Variants in HECW1 observed in about 807,000 individuals in gnomAD.
HECW1 encodes E3 ubiquitin-protein ligase HECW1.
HECW1 carries 61 observed loss-of-function variants against 182.3 expected under a neutral mutation model. The observed-to-expected ratio is 0.33, with a 90% confidence interval of 0.27 to 0.41. HECW1 has a LOEUF of 0.41. Ranked by LOEUF, HECW1 falls within the 10% of genes least tolerant of loss-of-function variation. The probability of loss-of-function intolerance (pLI) is 1.00; values close to 1 mark genes in which losing one functional copy is unlikely to be tolerated. For synonymous variants in HECW1, 859 were observed against 832.6 expected, an observed-to-expected ratio of 1.03 and a Z score of -0.55; for missense variants, 1,739 against 2,108.9, an observed-to-expected ratio of 0.82 and a Z score of 3.44.
chr7:43,122,709 A>G (rs1275393252), intron 2 of HECW1, among the ~76,000 whole-genome samples: 2 of 152,192 alleles, frequency 1.3e-5, no homozygotes, highest in Non-Finnish European at 2.9e-5. Flanking sequence ...AGGAAAGGAA[A>G]AAAATATCAC....
intron 7 of HECW1, among the ~76,000 whole-genome samples, chr7:43,406,888 C>T (rs560046602): frequency 1.3e-5 from 2 of 152,292 alleles, no homozygotes; most frequent in Non-Finnish European, 2.9e-5. Context: ...CACTGCACTT[C>T]AGCCTGGGTG....
intron 5 of HECW1, among the ~76,000 whole-genome samples, chr7:43,321,148 C>T (rs1470373765): frequency 1.3e-5 from 2 of 152,296 alleles, no homozygotes; most frequent in Non-Finnish European, 2.9e-5. Context: ...TCCTTCAAGG[C>T]TTCCTGCCCA....
At chr7:43,310,564 A>G (rs942088729) in intron 3 of HECW1, among the ~76,000 whole-genome samples, 2 of 152,230 alleles carry the variant, frequency 1.3e-5, no homozygotes. Flanking sequence ...CCATGGCCAT[A>G]GAGGACCAAG....
chr7:43,374,773 CAAAAA>C (rs66910107), intron 6 of HECW1, among the ~76,000 whole-genome samples: 1 of 14,502 alleles, frequency 6.9e-5, no homozygotes, highest in Non-Finnish European at 9.1e-5. Context: ...GACTCCGTCT[CAAAAA>C]AAAAAAAAAA....
At chr7:43,135,966 G>A (rs1449169804) in intron 2 of HECW1, among the ~76,000 whole-genome samples, 1 of 143,166 alleles carries the variant, frequency 7.0e-6, no homozygotes, top group Non-Finnish European at 1.5e-5. Flanking sequence ...ATGCAAAATA[G>A]ATACCATTTA....
chr7:43,287,383 G>A (rs11979234), intron 3 of HECW1, among the ~76,000 whole-genome samples: 8,756 of 152,138 alleles, frequency 0.058, 354 homozygotes, highest in African/African-American at 0.11. Flanking sequence ...TGTGATGGGC[G>A]GGCAGGAGGA....
intron 2 of HECW1, among the ~76,000 whole-genome samples, chr7:43,201,776 C>G (rs965482048): frequency 4.6e-5 from 7 of 152,142 alleles, no homozygotes; most frequent in African/African-American, 1.7e-4. Context: ...AATACCTATG[C>G]TGAATTCTTA....
intron 3 of HECW1, among the ~76,000 whole-genome samples, chr7:43,290,908 G>A (rs1348165783): frequency 6.6e-6 from 1 of 152,200 alleles, no homozygotes; most frequent in Admixed American, 6.5e-5. Context: ...ATAGCAGGAC[G>A]AGGCAGGGAC....
intron 2 of HECW1, among the ~76,000 whole-genome samples, chr7:43,156,655 C>A (rs1789913852): frequency 6.7e-6 from 1 of 150,238 alleles, no homozygotes; most frequent in African/African-American, 2.5e-5. Context: ...TTCCCAAAAC[C>A]TTTTTGTGCC....
At chr7:43,163,396 A>T (rs1186525671) in intron 2 of HECW1, among the ~76,000 whole-genome samples, 1 of 152,194 alleles carries the variant, frequency 6.6e-6, no homozygotes, top group Admixed American at 6.5e-5. Context: ...AGAAGTGCTC[A>T]TTGTGTGCCA....
At chr7:43,300,452 C>T (rs1215655849) in intron 3 of HECW1, among the ~76,000 whole-genome samples, 1 of 152,162 alleles carries the variant, frequency 6.6e-6, no homozygotes, top group Non-Finnish European at 1.5e-5. Context: ...GCTTTGTCTC[C>T]TTTCAAGGGT....
At position 43,445,205 on chromosome 7, in the gene HECW1, GCAGCCCCTCGTGCTA is replaced by G; in HGVS notation, c.2038_2052del (p.Pro680_Ser684del). Reference sequence around the variant, plus strand: ...TGCGAGGGCTGTGACGCGTCCTGCTGCAGCCCCTCGTGCTACAGCTCCTCGTGCTACAGCACGTCC... The same window carrying G: ...TGCGAGGGCTGTGACGCGTCCTGCTGCAGCTCCTCGTGCTACAGCACGTCC... On this transcript the variant is annotated inframe_deletion, in exon 11 of 30. Transcript: ENST00000395891. The G allele has an allele frequency of 6.2e-7, 1 of 1,613,258 alleles. No homozygotes were observed. Among genetic ancestry groups the G allele is most frequent in the Non-Finnish European group, 8.5e-7 (1 of 1,179,842 alleles).
intron 24 of HECW1, among the ~76,000 whole-genome samples, chr7:43,531,965 A>G (rs975708689): frequency 1.3e-5 from 2 of 152,222 alleles, no homozygotes; most frequent in African/African-American, 4.8e-5. Context: ...ACGGCCCCAC[A>G]GTGACATCTG....
intron 17 of HECW1, among the ~76,000 whole-genome samples, chr7:43,485,590 T>C (rs1379908882): frequency 4.6e-5 from 7 of 152,134 alleles, no homozygotes; most frequent in Admixed American, 1.3e-4. Context: ...GCTGCAAACC[T>C]GTACAGCATA....
rs1583825675 is a variant in HECW1, at chr7:43,175,936, C to T, written c.-32+61545C>T. On this transcript the variant is annotated intron_variant, in intron 2 of 29. Coordinates refer to ENST00000395891, the MANE Select transcript of HECW1 (RefSeq NM_015052.5). ...CTTAAATTTCTCTTACCCACCAGAGCACATTTCCTCTTAATGCTCACAGTG... is the reference window on the plus strand; with the variant it reads ...CTTAAATTTCTCTTACCCACCAGAGTACATTTCCTCTTAATGCTCACAGTG... 2.6e-5 allele frequency among the ~76,000 whole-genome samples: 4 copies of T among 152,164 alleles called. No individual in the cohort carries two copies. The South Asian group carries it at 8.3e-4, about 32-fold the overall frequency.
chr7:43,287,734 G>A (rs1804841582), intron 3 of HECW1, among the ~76,000 whole-genome samples: 1 of 152,234 alleles, frequency 6.6e-6, no homozygotes, highest in African/African-American at 2.4e-5. Context: ...AAGAGATACT[G>A]GTGGCTGAGG....
rs992212876 is a variant in HECW1 at position 43,179,584 on chromosome 7, G to A, written c.-31-64291G>A. Among the ~76,000 whole-genome samples the A allele has an allele frequency of 5.9e-5, 9 of 152,108 alleles. No individual in the cohort carries two copies. In the South Asian group the frequency reaches 8.3e-4, roughly 14 times the overall value. On this transcript the variant is annotated intron_variant, in intron 2 of 29. Coordinates refer to ENST00000395891, the MANE Select transcript of HECW1 (RefSeq NM_015052.5). ...TGTTGTTGTTGTTGTTGTTGTTGTC[G>A]TTTTTGCTGAGACAGCAAATACATC...
intron 8 of HECW1, among the ~76,000 whole-genome samples, chr7:43,408,686 T>TA (rs1407777267): frequency 5.3e-5 from 8 of 151,838 alleles, no homozygotes; most frequent in African/African-American, 1.7e-4. Flanking sequence ...ACCCTGTCTC[T>TA]AAAAAAGAAA....
rs191287162 is a variant in HECW1, at chr7:43,495,382, G to A, written c.3437+2202G>A. Among the ~76,000 whole-genome samples, 388 of 152,198 alleles carry A rather than the reference G, an allele frequency of 2.5e-3. 1 individual carries two copies. Among genetic ancestry groups the A allele is most frequent in the African/African-American group, 8.9e-3 (369 of 41,512 alleles). ...GTAGTGTTTGGTTTTCTGTTCTTATGTTAGTTTGCTGAGAATGATGGTTTC... is the reference window on the plus strand; with the variant it reads ...GTAGTGTTTGGTTTTCTGTTCTTATATTAGTTTGCTGAGAATGATGGTTTC... On this transcript the variant is annotated intron_variant, in intron 19 of 29. Coordinates refer to ENST00000395891, the MANE Select transcript of HECW1 (RefSeq NM_015052.5).
Sources: gnomAD v4.1 joint callset for allele counts (sites outside exome capture counted in the v4.1 genomes callset) on GRCh38, gnomAD v4.1.1 for gene constraint, MANE v1.5 for transcripts, NCBI Gene and HGNC (gene_info 2026-07-23, HGNC 2026-07-21) for gene names.